Variants in CCSER1 observed in about 807,000 individuals in gnomAD.
CCSER1 encodes coiled-coil serine rich protein 1, also known as serine-rich coiled-coil domain-containing protein 1.
CCSER1 carries 41 observed loss-of-function variants against 82.0 expected under a neutral mutation model. That is an observed-to-expected ratio of 0.50 (90% CI 0.39 to 0.65). The LOEUF (loss-of-function observed/expected upper bound fraction) is 0.65, where lower values mean the gene tolerates loss of function less well. CCSER1 is among the 30% of genes least tolerant of loss of function. The pLI, the probability that CCSER1 is intolerant of heterozygous loss-of-function variation, is 0.00. For synonymous variants in CCSER1, 414 were observed against 383.9 expected, an observed-to-expected ratio of 1.08 and a Z score of -0.92; for missense variants, 1,119 against 1,064.2, an observed-to-expected ratio of 1.05 and a Z score of -0.72.
At chr4:90,862,972 G>A (rs1406054367) in intron 8 of CCSER1, among the ~76,000 whole-genome samples, 1 of 146,312 alleles carries the variant, frequency 6.8e-6, no homozygotes, top group Non-Finnish European at 1.5e-5. Context: ...AAGTTTTAGG[G>A]TACATGTGCA....
intron 8 of CCSER1, among the ~76,000 whole-genome samples, chr4:90,859,862 C>G (rs1422132507): frequency 6.6e-6 from 1 of 151,640 alleles, no homozygotes; most frequent in African/African-American, 2.4e-5. Flanking sequence ...TGTTTTTTAA[C>G]ACAGATTTTA....
chr4:90,473,734 C>A (rs1764703894), intron 5 of CCSER1, among the ~76,000 whole-genome samples: 2 of 152,148 alleles, frequency 1.3e-5, no homozygotes, highest in African/African-American at 4.8e-5. Context: ...CCTCTTTAGA[C>A]TCTCTAAAGT....
At chr4:90,704,857 T>C (rs973642926) in intron 6 of CCSER1, among the ~76,000 whole-genome samples, 11 of 152,222 alleles carry the variant, frequency 7.2e-5, no homozygotes, top group African/African-American at 2.7e-4. Context: ...ACACTGGTTA[T>C]TCTTGTTAGC....
intron 1 of CCSER1, among the ~76,000 whole-genome samples, chr4:90,159,444 G>A (rs1309296426): frequency 3.9e-5 from 6 of 152,122 alleles, no homozygotes; most frequent in Non-Finnish European, 8.8e-5. Flanking sequence ...ATGGGGAAGA[G>A]GAATAGAAGC....
chr4:90,461,835 A>AT (rs1308154561), intron 4 of CCSER1, among the ~76,000 whole-genome samples: 2 of 152,262 alleles, frequency 1.3e-5, no homozygotes, highest in Admixed American at 1.3e-4. Context: ...GGCTTCTATG[A>AT]TTACACTTCC....
intron 10 of CCSER1, among the ~76,000 whole-genome samples, chr4:91,297,776 A>G (rs2149232345): frequency 6.6e-6 from 1 of 152,126 alleles, no homozygotes; most frequent in East Asian, 1.9e-4. Flanking sequence ...AACAAATGAA[A>G]AAAGGAAAAT....
chr4:90,223,583 A>G (rs977622398), intron 1 of CCSER1, among the ~76,000 whole-genome samples: 1 of 152,198 alleles, frequency 6.6e-6, no homozygotes, highest in Non-Finnish European at 1.5e-5. Context: ...GTCCCAAGTG[A>G]GAGACAGAGG....
chr4:91,415,479 T>TAAGG (rs1753305532), intron 10 of CCSER1, among the ~76,000 whole-genome samples: 1 of 152,138 alleles, frequency 6.6e-6, no homozygotes, highest in Non-Finnish European at 1.5e-5. Flanking sequence ...AGGGCATCCT[T>TAAGG]GTCTTGTGCT....
chr4:91,248,680 T>C (rs1030267165), intron 10 of CCSER1, among the ~76,000 whole-genome samples: 3 of 152,076 alleles, frequency 2.0e-5, no homozygotes, highest in Non-Finnish European at 2.9e-5. Context: ...TGGTCAAATG[T>C]AATGTGGTAT....
At chr4:91,017,184 A>T (rs1306243017) in intron 9 of CCSER1, 1 of 152,170 alleles carries the variant, frequency 6.6e-6, no homozygotes, top group Admixed American at 6.6e-5. Flanking sequence ...TCAGCTCTGG[A>T]TACCTCCTAA....
At chr4:90,145,961 C>G (rs538699255) in intron 1 of CCSER1, among the ~76,000 whole-genome samples, 2 of 152,076 alleles carry the variant, frequency 1.3e-5, no homozygotes, top group African/African-American at 4.8e-5. Flanking sequence ...TTGAAATAAT[C>G]TCTGAAGCAC....
chr4:90,856,288 T>C (rs1764455318), intron 8 of CCSER1, among the ~76,000 whole-genome samples: 1 of 151,556 alleles, frequency 6.6e-6, no homozygotes, highest in South Asian at 2.1e-4. Context: ...CATTTACTTA[T>C]AAATTGTTAT....
At chr4:91,458,778 G>T (rs979022675) in intron 10 of CCSER1, among the ~76,000 whole-genome samples, 4 of 151,984 alleles carry the variant, frequency 2.6e-5, no homozygotes, top group Non-Finnish European at 2.9e-5. Context: ...AAATGGAATT[G>T]TTTTTTATTT....
intron 1 of CCSER1, among the ~76,000 whole-genome samples, chr4:90,282,833 C>A (rs1240725559): frequency 6.6e-6 from 1 of 151,874 alleles, no homozygotes. Context: ...CTGTATTTCA[C>A]AAGAGTCAGA....
intron 3 of CCSER1, among the ~76,000 whole-genome samples, chr4:90,330,999 AT>A (rs961592155): frequency 1.7e-3 from 251 of 151,426 alleles, no homozygotes; most frequent in African/African-American, 5.8e-3. Context: ...TTTCTACAGA[AT>A]TTTTTTTTCC....
chr4:90,338,846 A>G (rs2153502918), intron 3 of CCSER1, among the ~76,000 whole-genome samples: 1 of 152,244 alleles, frequency 6.6e-6, no homozygotes, highest in East Asian at 1.9e-4. Flanking sequence ...TATTGTATTG[A>G]CATCATATCA....
Position 90,989,792 on chromosome 4 carries a change from TA to T in CCSER1, c.2172+66353del, listed in dbSNP as rs899171581. Among the ~76,000 whole-genome samples, 6 of 150,786 alleles carry T rather than the reference TA, an allele frequency of 4.0e-5. No homozygotes were observed. In the South Asian group the frequency reaches 6.3e-4, roughly 16 times the overall value. ...AATCTTTAGCAGTGTTGAAAACCAC[TA>T]AAAAAAAGCAAGTCTTATATTTGAC... On this transcript the variant is annotated intron_variant, in intron 9 of 10. Transcript: ENST00000509176.
intron 10 of CCSER1, among the ~76,000 whole-genome samples, chr4:91,107,333 C>A (rs1724031601): frequency 6.6e-6 from 1 of 152,188 alleles, no homozygotes; most frequent in Non-Finnish European, 1.5e-5. Flanking sequence ...TGGCTCACTG[C>A]AACCTCCACC....
At chr4:90,771,597 G>T (rs1752184154) in intron 7 of CCSER1, among the ~76,000 whole-genome samples, 1 of 147,336 alleles carries the variant, frequency 6.8e-6, no homozygotes, top group Non-Finnish European at 1.5e-5. Context: ...AGAAAAAAAT[G>T]CATATTTTTG....
Sources: gnomAD v4.1 joint callset for allele counts (sites outside exome capture counted in the v4.1 genomes callset) on GRCh38, gnomAD v4.1.1 for gene constraint, MANE v1.5 for transcripts, NCBI Gene and HGNC (gene_info 2026-07-23, HGNC 2026-07-21) for gene names.